The following MYO18B variants were observed in gnomAD, a reference collection of about 807,000 sequenced individuals.
The protein encoded by MYO18B is unconventional myosin-XVIIIb.
A neutral mutation model predicts 273.0 loss-of-function variants in MYO18B; 204 were observed. That is an observed-to-expected ratio of 0.75 (90% CI 0.67 to 0.84). The LOEUF is 0.84. Ranked by LOEUF, MYO18B falls within the 40% of genes least tolerant of loss-of-function variation. MYO18B has a pLI of 0.00. For synonymous variants in MYO18B, 1,330 were observed against 1,305.7 expected (o/e 1.02, Z -0.40); for missense variants, 3,212 against 3,287.6 (o/e 0.98, Z 0.56).
intron 39 of MYO18B, among the ~76,000 whole-genome samples, chr22:25,987,138 C>A (rs925620898): frequency 6.6e-6 from 1 of 152,166 alleles, no homozygotes; most frequent in African/African-American, 2.4e-5. Context: ...TCCAGAGCTG[C>A]AGAAATTAAC....
intron 21 of MYO18B, among the ~76,000 whole-genome samples, chr22:25,866,048 C>T (rs971305825): frequency 8.5e-5 from 13 of 152,100 alleles, no homozygotes; most frequent in African/African-American, 3.1e-4. Context: ...TTCCTGATTG[C>T]AGTCTGGGAC....
At chr22:25,927,389 G>A (rs1454143984) in intron 34 of MYO18B, among the ~76,000 whole-genome samples, 1 of 152,152 alleles carries the variant, frequency 6.6e-6, no homozygotes, top group African/African-American at 2.4e-5. Context: ...TTATGGTCGA[G>A]ACTGCAGGGG....
intron 39 of MYO18B, among the ~76,000 whole-genome samples, chr22:25,976,492 G>A (rs1325695239): frequency 6.6e-6 from 1 of 152,166 alleles, no homozygotes; most frequent in African/African-American, 2.4e-5. Context: ...TAATATCCTT[G>A]TGCCACAGCA....
At chr22:25,762,565 C>T (rs1224839497) in intron 2 of MYO18B, among the ~76,000 whole-genome samples, 1 of 152,266 alleles carries the variant, frequency 6.6e-6, no homozygotes, top group Non-Finnish European at 1.5e-5. Flanking sequence ...CTGGCCTAGG[C>T]CGTATTTCTG....
chr22:25,863,479 A>C (rs990845173), intron 21 of MYO18B, among the ~76,000 whole-genome samples: 2 of 152,226 alleles, frequency 1.3e-5, no homozygotes, highest in African/African-American at 4.8e-5. Context: ...ATTTAGTATT[A>C]TAACTTGTTT....
intron 39 of MYO18B, among the ~76,000 whole-genome samples, chr22:25,959,996 C>T (rs1420391982): frequency 1.3e-5 from 2 of 152,148 alleles, no homozygotes; most frequent in South Asian, 2.1e-4. Flanking sequence ...TTCCGCCCGT[C>T]CCCAACCTGT....
chr22:26,004,576 T>G lies in MYO18B; in HGVS notation c.6333-142T>G, dbSNP rs562158488. On this transcript the variant is annotated intron_variant, in intron 41 of 43. Transcript: ENST00000335473. Reference sequence around the variant, plus strand: ...TCTGTGTAACTGTGACAGCACTGGCTCCTACCTCTCTGGGATGGCGAGTGA... The same window carrying G: ...TCTGTGTAACTGTGACAGCACTGGCGCCTACCTCTCTGGGATGGCGAGTGA... 33 of 1,006,918 alleles carry G rather than the reference T, an allele frequency of 3.3e-5. No individual in the cohort carries two copies. In the South Asian group the frequency reaches 6.1e-4, roughly 19 times the overall value. The allele number at this position is 1,006,918 out of a possible 1,614,324, so 62.4% of individuals were successfully genotyped here.
At chr22:26,014,304 A>G (rs549905179) in intron 42 of MYO18B, among the ~76,000 whole-genome samples, 8 of 152,346 alleles carry the variant, frequency 5.3e-5, no homozygotes, top group African/African-American at 1.9e-4. Context: ...TAAATTTGTC[A>G]TAAATCAAGT....
At chr22:25,864,605 G>A (rs2090834294) in intron 21 of MYO18B, among the ~76,000 whole-genome samples, 1 of 152,142 alleles carries the variant, frequency 6.6e-6, no homozygotes, top group South Asian at 2.1e-4. Context: ...CTGATTCCTT[G>A]GGTTCAAACC....
At chr22:26,050,380 A>C in the MYO18B span, among the ~76,000 whole-genome samples, 1 of 152,230 alleles carries the variant, frequency 6.6e-6, no homozygotes, top group East Asian at 1.9e-4. Flanking sequence ...ACTGTAGACC[A>C]GAAGTGTTCT....
chr22:25,752,608 C>G (rs936743074), intron 1 of MYO18B, among the ~76,000 whole-genome samples: 1 of 148,188 alleles, frequency 6.7e-6, no homozygotes, highest in Non-Finnish European at 1.5e-5. Context: ...GCCTCAGCCT[C>G]CTGCATAGCT....
intron 33 of MYO18B, among the ~76,000 whole-genome samples, chr22:25,912,575 T>G (rs1359882111): frequency 6.6e-6 from 1 of 152,244 alleles, no homozygotes; most frequent in Admixed American, 6.5e-5. Flanking sequence ...TTTTAAATGT[T>G]TTTGTTATGA....
intron 25 of MYO18B, among the ~76,000 whole-genome samples, chr22:25,882,383 C>A (rs183433376): frequency 2.0e-5 from 3 of 151,144 alleles, no homozygotes; most frequent in Admixed American, 2.0e-4. Flanking sequence ...ACACCTGTTA[C>A]ATGAGATAAG....
intron 39 of MYO18B, among the ~76,000 whole-genome samples, chr22:25,967,470 G>A (rs935042847): frequency 6.6e-6 from 1 of 152,086 alleles, no homozygotes; most frequent in African/African-American, 2.4e-5. Context: ...AGTATAATTC[G>A]GTTTGAAGGG....
chr22:26,054,254 T>C, the MYO18B span, among the ~76,000 whole-genome samples: 1 of 152,188 alleles, frequency 6.6e-6, no homozygotes, highest in Non-Finnish European at 1.5e-5. Flanking sequence ...TACCTCCTTC[T>C]TATTCCATAA....
Position 26,004,748 on chromosome 22 carries a change from A to G in MYO18B, c.6363A>G (p.Pro2121=). The part of the protein sequence containing the change: ...MDNVSILSSQ[P]EGSLQSWLSC... ...ACGTCTCCATCCTCAGCTCCCAGCC[A>G]GAGGGCAGCCTGCAGTCCTGGTTGA... The change falls in exon 42 of 44, where the codon CCA becomes CCG. Residue 2121 remains proline (P), a synonymous_variant. Transcript: ENST00000335473. 1.2e-6 allele frequency: 2 copies of G among 1,613,908 alleles called. No homozygotes were observed. The highest frequency in any genetic ancestry group is 1.7e-6 in the Non-Finnish European group (2 of 1,179,822).
intron 42 of MYO18B, among the ~76,000 whole-genome samples, chr22:26,021,780 T>C (rs1405295418): frequency 6.6e-6 from 1 of 152,200 alleles, no homozygotes; most frequent in Non-Finnish European, 1.5e-5. Flanking sequence ...TCTCTGTGCC[T>C]GGAGGTCATA....
intron 34 of MYO18B, among the ~76,000 whole-genome samples, chr22:25,938,109 T>G (rs1013288473): frequency 6.6e-6 from 1 of 152,194 alleles, no homozygotes. Flanking sequence ...GCACTATTTT[T>G]AAATCCCCTC....
intron 42 of MYO18B, among the ~76,000 whole-genome samples, chr22:26,017,962 G>GTTTTTTTTTT (rs1339313323): frequency 8.5e-6 from 1 of 117,530 alleles, no homozygotes; most frequent in African/African-American, 3.4e-5. Flanking sequence ...CAATTTTACT[G>GTTTTTTTTTT]TTTTGTTTTT....
Sources: allele counts gnomAD v4.1 joint callset (sites outside exome capture counted in the v4.1 genomes callset), GRCh38; gene constraint gnomAD v4.1.1; transcripts MANE v1.5; gene names NCBI Gene and HGNC (gene_info 2026-07-23, HGNC 2026-07-21).